IL33: variants seen among roughly 807,000 people sequenced by gnomAD.
The protein encoded by IL33 is interleukin-33.
Under a neutral mutation model 27.3 loss-of-function variants are expected in IL33, and 37 were observed. The ratio of observed to expected loss-of-function variants is 1.36; its 90% CI spans 1.04 to 1.78. The LOEUF is 1.78. Ranked by LOEUF, IL33 falls within the 40% of genes most tolerant of loss-of-function variation. IL33 has a pLI of 0.00. For missense variants in IL33, 406 were observed against 311.4 expected (o/e 1.30, Z -2.29); for synonymous variants, 132 against 102.9 (o/e 1.28, Z -1.71).
At chr9:6,240,344 G>T (rs1173443875) in intron 1 of IL33, among the ~76,000 whole-genome samples, 1 of 152,146 alleles carries the variant, frequency 6.6e-6, no homozygotes, top group Non-Finnish European at 1.5e-5. Flanking sequence ...GGGTGGAGGG[G>T]TTCAGCTGGG....
At chr9:6,217,858 G>GAAAA (rs1818212176) in intron 1 of IL33, among the ~76,000 whole-genome samples, 2 of 146,962 alleles carry the variant, frequency 1.4e-5, no homozygotes, top group South Asian at 2.1e-4. Flanking sequence ...AGACTTGAGA[G>GAAAA]TGAAGTGTCT....
In IL33 at chr9:6,250,531, G is replaced by A; in HGVS notation, c.149G>A (p.Gly50Asp). 6.2e-7 allele frequency: 1 copy of A among 1,613,978 alleles called. No homozygotes were observed. The highest frequency in any genetic ancestry group is 8.5e-7 in the Non-Finnish European group (1 of 1,179,942). ...CPMYFMKLRS[G>D]LMIKKEACYF... ...ATGTACTTTATGAAGCTCCGCTCTGGCCTTATGATAAAAAAGGAGGCCTGT... is the reference window on the plus strand; with the variant it reads ...ATGTACTTTATGAAGCTCCGCTCTGACCTTATGATAAAAAAGGAGGCCTGT... The change falls in exon 3 of 8, where the codon GGC becomes GAC. Residue 50 changes from glycine (G) to aspartate (D), a missense_variant. Gly to Asp is a moderately conservative substitution (Grantham distance 94). Transcript: ENST00000682010.
chr9:6,221,825 GA>G (rs35087563), intron 1 of IL33, among the ~76,000 whole-genome samples: 145 of 152,310 alleles, frequency 9.5e-4, no homozygotes, highest in African/African-American at 3.3e-3. Flanking sequence ...CACTCAAGAA[GA>G]AGTCATATCT....
intron 1 of IL33, among the ~76,000 whole-genome samples, chr9:6,223,384 A>T (rs1474140799): frequency 2.0e-5 from 3 of 151,808 alleles, no homozygotes; most frequent in East Asian, 1.9e-4. Flanking sequence ...TTTTTTTTTT[A>T]AAAGAGTACC....
intron 2 of IL33, 39 bp downstream of exon 2, chr9:6,241,824 T>C: frequency 7.5e-7 from 1 of 1,332,014 alleles, no homozygotes; most frequent in Non-Finnish European, 1.1e-6. Flanking sequence ...TTACGCACTA[T>C]TTTTATCTGT....
At chr9:6,229,775 C>T (rs943478370) in intron 1 of IL33, among the ~76,000 whole-genome samples, 1 of 152,126 alleles carries the variant, frequency 6.6e-6, no homozygotes, top group African/African-American at 2.4e-5. Flanking sequence ...ACCCTTGTTC[C>T]CAAGGACCTA....
At chr9:6,219,088 G>C (rs1321936378) in intron 1 of IL33, among the ~76,000 whole-genome samples, 1 of 151,106 alleles carries the variant, frequency 6.6e-6, no homozygotes, top group African/African-American at 2.4e-5. Context: ...AGGTTCATTG[G>C]AATTCACCTT....
At chr9:6,252,035 G>GAA (rs1285022798) in intron 4 of IL33, among the ~76,000 whole-genome samples, 8 of 36,310 alleles carry the variant, frequency 2.2e-4, no homozygotes, top group Non-Finnish European at 3.2e-4. Context: ...GGCTGTCTCA[G>GAA]AAAAAAAACA....
At chr9:6,247,854 C>A (rs945997091) in intron 2 of IL33, among the ~76,000 whole-genome samples, 3 of 151,950 alleles carry the variant, frequency 2.0e-5, no homozygotes, top group African/African-American at 7.3e-5. Flanking sequence ...TAACCCCCAT[C>A]CTTGAACTAT....
At chr9:6,224,551 C>T (rs1325818694) in intron 1 of IL33, among the ~76,000 whole-genome samples, 1 of 152,128 alleles carries the variant, frequency 6.6e-6, no homozygotes, top group Non-Finnish European at 1.5e-5. Flanking sequence ...CCACTTTAGG[C>T]TTTAGAATCT....
intron 1 of IL33, among the ~76,000 whole-genome samples, chr9:6,229,523 C>T (rs552392298): frequency 2.7e-4 from 41 of 152,352 alleles, no homozygotes; most frequent in Middle Eastern, 6.8e-3. Context: ...GCATTTAAGA[C>T]TGTCATTTCT....
chr9:6,251,353 A>G, intron 4 of IL33, 88 bp downstream of exon 4: 2 of 1,565,072 alleles, frequency 1.3e-6, no homozygotes, highest in Non-Finnish European at 1.7e-6. Flanking sequence ...AGCAGTCCCA[A>G]GTCTGTGTCT....
At chr9:6,234,714 G>C (rs540272833) in intron 1 of IL33, among the ~76,000 whole-genome samples, 82 of 151,816 alleles carry the variant, frequency 5.4e-4, no homozygotes, top group African/African-American at 1.9e-3. Context: ...TTTTTGCCTG[G>C]GATATTTTAA....
chr9:6,233,456 C>G (rs575599623), intron 1 of IL33, among the ~76,000 whole-genome samples: 1 of 152,228 alleles, frequency 6.6e-6, no homozygotes, highest in Admixed American at 6.5e-5. Context: ...TCTGTATCTC[C>G]TCTGGAAATA....
At chr9:6,248,888 C>A (rs1440316217) in intron 2 of IL33, among the ~76,000 whole-genome samples, 1 of 152,052 alleles carries the variant, frequency 6.6e-6, no homozygotes, top group Non-Finnish European at 1.5e-5. Context: ...CAACAAATTT[C>A]TTTGCTTTAT....
At chr9:6,232,242 C>A (rs10815388) in intron 1 of IL33, among the ~76,000 whole-genome samples, 1 of 151,948 alleles carries the variant, frequency 6.6e-6, no homozygotes, top group East Asian at 1.9e-4. Context: ...CCTTGGCATG[C>A]AAAGGGTGCT....
chr9:6,232,963 TA>T (rs1243537136), intron 1 of IL33, among the ~76,000 whole-genome samples: 3 of 152,172 alleles, frequency 2.0e-5, no homozygotes, highest in African/African-American at 7.2e-5. Flanking sequence ...CACTCCCATT[TA>T]AAAAATTCCT....
At position 6,256,169 on chromosome 9, in the gene IL33, T is replaced by C. The variant is rs149473323; in HGVS notation, c.*1T>C. 228 of 1,611,106 alleles carry C rather than the reference T, an allele frequency of 1.4e-4. 1 individual carries two copies. In the African/African-American group the frequency reaches 1.4e-3, roughly 10 times the overall value. ...CTTGTTTAAGCTCTCTGAAACTTAGTTGATGGAAACCTGTGAGTCTTGGGT... is the reference window on the plus strand; with the variant it reads ...CTTGTTTAAGCTCTCTGAAACTTAGCTGATGGAAACCTGTGAGTCTTGGGT... On this transcript the variant is annotated 3_prime_UTR_variant, in exon 8 of 8. Transcript: ENST00000682010.
intron 2 of IL33, among the ~76,000 whole-genome samples, chr9:6,242,001 A>G (rs752998197): frequency 3.9e-5 from 6 of 152,244 alleles, no homozygotes; most frequent in Non-Finnish European, 8.8e-5. Flanking sequence ...ATCACCAGGC[A>G]GGAATAGCTG....
Sources: allele counts gnomAD v4.1 joint callset (sites outside exome capture counted in the v4.1 genomes callset), GRCh38; gene constraint gnomAD v4.1.1; transcripts MANE v1.5; gene names NCBI Gene and HGNC (gene_info 2026-07-23, HGNC 2026-07-21).